TYW1B: variants seen among roughly 807,000 people sequenced by gnomAD.
The protein encoded by TYW1B is S-adenosyl-L-methionine-dependent tRNA 4-demethylwyosine synthase TYW1B.
TYW1B carries 73 observed loss-of-function variants against 86.9 expected under a neutral mutation model. The observed-to-expected ratio is 0.84, with a 90% CI of 0.70 to 1.02. TYW1B has a LOEUF of 1.02. TYW1B is among the 50% of genes least tolerant of loss of function. The pLI, the probability that TYW1B is intolerant of heterozygous loss-of-function variation, is 0.00. For missense variants in TYW1B, 637 were observed against 827.4 expected (o/e 0.77, Z 2.82); for synonymous variants, 248 against 292.8 (o/e 0.85, Z 1.56).
chr7:72,611,634 T>C (rs1171905504), intron 13 of TYW1B, among the ~76,000 whole-genome samples: 4 of 152,200 alleles, frequency 2.6e-5, no homozygotes, highest in African/African-American at 4.8e-5. Flanking sequence ...GTCTCGGGTA[T>C]GTCTTTATCA....
At chr7:72,603,455 GA>G (rs1350381368) in intron 13 of TYW1B, among the ~76,000 whole-genome samples, 2 of 152,178 alleles carry the variant, frequency 1.3e-5, no homozygotes, top group African/African-American at 4.8e-5. Context: ...ATTAATAAAT[GA>G]GGGAGAAGGG....
intron 10 of TYW1B, among the ~76,000 whole-genome samples, chr7:72,713,345 G>T (rs1458167488): frequency 6.7e-6 from 1 of 148,630 alleles, no homozygotes; most frequent in Non-Finnish European, 1.5e-5. Context: ...AGCTTCTCTG[G>T]TAAGTTTTAC....
At chr7:72,709,576 G>A (rs1484565738) in intron 10 of TYW1B, among the ~76,000 whole-genome samples, 7 of 152,174 alleles carry the variant, frequency 4.6e-5, no homozygotes, top group Non-Finnish European at 8.8e-5. Flanking sequence ...GCTGAGGCAG[G>A]AGAATCACTT....
At chr7:72,662,426 TATAGATAGATAGATAG>T (rs10682366) in intron 11 of TYW1B, among the ~76,000 whole-genome samples, 18 of 118,652 alleles carry the variant, frequency 1.5e-4, no homozygotes, top group South Asian at 2.7e-4. Flanking sequence ...AATATATATA[TATAGATAGATAGATAG>T]ATAGATAGAT....
At chr7:72,611,734 A>G (rs1158120963) in intron 13 of TYW1B, among the ~76,000 whole-genome samples, 6 of 152,118 alleles carry the variant, frequency 3.9e-5, no homozygotes, top group African/African-American at 1.4e-4. Flanking sequence ...CAGAATACCC[A>G]TGTGCCTGAC....
intron 13 of TYW1B, among the ~76,000 whole-genome samples, chr7:72,591,591 G>A (rs1173884640): frequency 3.3e-5 from 5 of 152,186 alleles, no homozygotes; most frequent in South Asian, 2.1e-4. Context: ...GGCAAAACAC[G>A]AGGAAGGAAA....
At chr7:72,584,162 C>T (rs1811219935) in intron 13 of TYW1B, among the ~76,000 whole-genome samples, 1 of 152,182 alleles carries the variant, frequency 6.6e-6, no homozygotes, top group African/African-American at 2.4e-5. Flanking sequence ...CCTCCCTCCT[C>T]AGTCTCTGGA....
At chr7:72,645,480 T>G (rs1447054666) in intron 11 of TYW1B, among the ~76,000 whole-genome samples, 1 of 152,050 alleles carries the variant, frequency 6.6e-6, no homozygotes, top group Non-Finnish European at 1.5e-5. Context: ...TCAAAAAACA[T>G]GTACAGAAAG....
At chr7:72,766,265 G>A (rs1460292416) in intron 7 of TYW1B, among the ~76,000 whole-genome samples, 2 of 152,148 alleles carry the variant, frequency 1.3e-5, no homozygotes, top group Non-Finnish European at 2.9e-5. Flanking sequence ...ACGACTCAAA[G>A]CCATTATGCA....
chr7:72,806,986 G>C, intron 5 of TYW1B, 80 bp downstream of exon 5: 1 of 1,526,602 alleles, frequency 6.6e-7, no homozygotes. Flanking sequence ...CAACGAGATG[G>C]TTTATTGAGG....
chr7:72,759,131 G>C (rs961202734), intron 7 of TYW1B, among the ~76,000 whole-genome samples: 5 of 152,140 alleles, frequency 3.3e-5, no homozygotes, highest in Non-Finnish European at 7.3e-5. Context: ...AGGAGTTCGA[G>C]ACCAGCCTGA....
intron 12 of TYW1B, among the ~76,000 whole-genome samples, chr7:72,621,951 A>T (rs562177408): frequency 9.7e-4 from 146 of 150,378 alleles, no homozygotes; most frequent in African/African-American, 3.4e-3. Context: ...TGCAGGGTGC[A>T]TTCTGCAAGG....
chr7:72,711,560 C>T (rs1194928564), intron 10 of TYW1B, among the ~76,000 whole-genome samples: 1 of 148,978 alleles, frequency 6.7e-6, no homozygotes, highest in African/African-American at 2.5e-5. Flanking sequence ...AGCTCCGCCT[C>T]CCAGGTTCTC....
chr7:72,673,161 C>T (rs531943519), intron 11 of TYW1B, among the ~76,000 whole-genome samples: 2 of 152,046 alleles, frequency 1.3e-5, no homozygotes, highest in Non-Finnish European at 2.9e-5. Flanking sequence ...AGCAAGACTC[C>T]GTCTCAATAA....
intron 11 of TYW1B, among the ~76,000 whole-genome samples, chr7:72,651,496 T>G (rs1813056025): frequency 6.6e-6 from 1 of 151,874 alleles, no homozygotes. Context: ...GCACCTATAA[T>G]CCCAGCTACA....
intron 11 of TYW1B, among the ~76,000 whole-genome samples, chr7:72,646,493 C>T (rs1226505386): frequency 6.6e-6 from 1 of 151,884 alleles, no homozygotes; most frequent in African/African-American, 2.4e-5. Flanking sequence ...TGCCTCAGCC[C>T]CCCAAGCAGC....
intron 7 of TYW1B, among the ~76,000 whole-genome samples, chr7:72,757,993 A>C (rs1554466533): frequency 6.6e-6 from 1 of 152,194 alleles, no homozygotes; most frequent in Non-Finnish European, 1.5e-5. Flanking sequence ...CGAGGTGGGC[A>C]GATCAGTTGA....
chr7:72,682,482 C>T (rs1554448612), intron 11 of TYW1B, among the ~76,000 whole-genome samples: 1 of 152,058 alleles, frequency 6.6e-6, no homozygotes, highest in Non-Finnish European at 1.5e-5. Flanking sequence ...CTAAGCATGA[C>T]ACTAAAAGGA....
At chr7:72,793,733 C>T (rs547407859) in intron 6 of TYW1B, among the ~76,000 whole-genome samples, 12 of 146,182 alleles carry the variant, frequency 8.2e-5, no homozygotes, top group Admixed American at 2.1e-4. Context: ...CCAGCCTTGG[C>T]GACAGAACGA....
Sources: gnomAD v4.1 joint callset for allele counts (sites outside exome capture counted in the v4.1 genomes callset) on GRCh38, gnomAD v4.1.1 for gene constraint, MANE v1.5 for transcripts, NCBI Gene and HGNC (gene_info 2026-07-23, HGNC 2026-07-21) for gene names.